Variants in RUNX2 observed in about 807,000 individuals in gnomAD.
The protein encoded by RUNX2 is runt-related transcription factor 2.
RUNX2 carries 10 observed loss-of-function variants against 51.7 expected under a neutral mutation model. The ratio of observed to expected loss-of-function variants is 0.19; its 90% confidence interval spans 0.12 to 0.33. RUNX2 has a LOEUF of 0.33. RUNX2 is among the 10% of genes least tolerant of loss of function. The pLI, the probability that RUNX2 is intolerant of heterozygous loss-of-function variation, is 1.00. For missense variants in RUNX2, 562 were observed against 691.3 expected, an observed-to-expected ratio of 0.81 and a Z score of 2.10; for synonymous variants, 276 against 273.6, an observed-to-expected ratio of 1.01 and a Z score of -0.09.
intron 2 of RUNX2, among the ~76,000 whole-genome samples, chr6:45,409,621 G>C (rs1033174475): frequency 6.6e-6 from 1 of 152,120 alleles, no homozygotes; most frequent in Admixed American, 6.5e-5. Context: ...CCAACAAGAT[G>C]TAAGAAAGTT....
chr6:45,377,845 G>T (rs1797044238), intron 2 of RUNX2: 1 of 154,480 alleles, frequency 6.5e-6, no homozygotes, highest in Non-Finnish European at 1.4e-5. Context: ...TGCGGTTTCT[G>T]CTGCTGCGGC....
In RUNX2 at chr6:45,548,779, C is replaced by T. The variant is rs1802479442; in HGVS notation, c.*1474C>T. 5.3e-6 allele frequency: 1 copy of T among 188,386 alleles called. No homozygotes were observed. The highest frequency in any genetic ancestry group is 1.9e-4 in the South Asian group (1 of 5,154). The allele number at this position is 188,386 out of a possible 1,614,324, so 11.7% of individuals were successfully genotyped here. A position where few individuals can be genotyped will look rare whatever the true frequency, so the allele number is the denominator to read the frequency against. On this transcript the variant is annotated 3_prime_UTR_variant, in exon 9 of 9. Transcript: ENST00000647337. ...CTAGTACAGGAGAGCAAAATTGCAC[C>T]AGAGATTCTTAACCAACCAGCCTTA...
intron 7 of RUNX2, among the ~76,000 whole-genome samples, chr6:45,538,298 T>C (rs868051250): frequency 3.3e-5 from 5 of 152,186 alleles, no homozygotes; most frequent in Non-Finnish European, 5.9e-5. Context: ...TGACCACATA[T>C]GTTATCAAAT....
At chr6:45,444,602 A>G (rs920730154) in intron 5 of RUNX2, among the ~76,000 whole-genome samples, 1 of 152,356 alleles carries the variant, frequency 6.6e-6, no homozygotes, top group Admixed American at 6.5e-5. Flanking sequence ...TGTTAGGCTT[A>G]GGTCCTGCAG....
intron 3 of RUNX2, among the ~76,000 whole-genome samples, chr6:45,426,241 G>A (rs1000493132): frequency 4.6e-5 from 7 of 151,912 alleles, no homozygotes; most frequent in Admixed American, 2.6e-4. Flanking sequence ...TGAAATGTTC[G>A]GTCCCCCCAG....
intron 7 of RUNX2, among the ~76,000 whole-genome samples, chr6:45,515,466 T>C (rs1801292243): frequency 6.6e-6 from 1 of 152,198 alleles, no homozygotes; most frequent in Admixed American, 6.5e-5. Flanking sequence ...AAGCTAAAAT[T>C]GTTTTGTAAA....
At chr6:45,542,932 T>A (rs538603817) in intron 7 of RUNX2, among the ~76,000 whole-genome samples, 1 of 152,330 alleles carries the variant, frequency 6.6e-6, no homozygotes, top group Non-Finnish European at 1.5e-5. Flanking sequence ...GGGTTAGATT[T>A]GCATTACCTA....
chr6:45,520,329 A>G (rs1801467682), intron 7 of RUNX2, among the ~76,000 whole-genome samples: 1 of 152,234 alleles, frequency 6.6e-6, no homozygotes, highest in African/African-American at 2.4e-5. Flanking sequence ...TCTTGGGTGC[A>G]TTTTTAAATT....
chr6:45,516,696 C>T (rs973149662), intron 7 of RUNX2, among the ~76,000 whole-genome samples: 1 of 152,186 alleles, frequency 6.6e-6, no homozygotes, highest in African/African-American at 2.4e-5. Flanking sequence ...TTATATGACC[C>T]GAACCACTGC....
chr6:45,518,171 C>A (rs961456439), intron 7 of RUNX2, among the ~76,000 whole-genome samples: 2 of 152,210 alleles, frequency 1.3e-5, no homozygotes, highest in East Asian at 1.9e-4. Context: ...TCTGCCACAG[C>A]AGCCACAGGC....
intron 2 of RUNX2, among the ~76,000 whole-genome samples, chr6:45,400,452 G>A (rs562154171): frequency 7.2e-5 from 11 of 152,162 alleles, no homozygotes; most frequent in Non-Finnish European, 1.5e-4. Context: ...ACTGAGAAAC[G>A]AAGTGGTAAT....
intron 7 of RUNX2, among the ~76,000 whole-genome samples, chr6:45,521,902 G>A (rs1216742426): frequency 2.0e-5 from 3 of 152,010 alleles, no homozygotes; most frequent in Admixed American, 6.6e-5. Flanking sequence ...ATATTACACT[G>A]TTTTCTCTTA....
intron 6 of RUNX2, among the ~76,000 whole-genome samples, chr6:45,493,257 A>G (rs971756920): frequency 4.6e-5 from 7 of 152,202 alleles, no homozygotes; most frequent in Admixed American, 1.3e-4. Context: ...AAACATCTAA[A>G]CACTAAAGAT....
In RUNX2 at chr6:45,488,522, T is replaced by C. The variant is rs548856283; in HGVS notation, c.686-3419T>C. 2.9e-4 allele frequency among the ~76,000 whole-genome samples: 44 copies of C among 152,290 alleles called. No individual in the cohort carries two copies. In the South Asian group the frequency reaches 8.5e-3, roughly 29 times the overall value. On this transcript the variant is annotated intron_variant, in intron 5 of 8. Coordinates refer to ENST00000647337, the MANE Select transcript of RUNX2 (RefSeq NM_001024630.4). ...TAGTATTTAGTGCATGAGACTGAGA[T>C]CACCTTGGGCAGTGGTTCTCAATCC...
At chr6:45,432,457 A>G (rs1463765613) in intron 4 of RUNX2, among the ~76,000 whole-genome samples, 1 of 152,144 alleles carries the variant, frequency 6.6e-6, no homozygotes, top group Admixed American at 6.5e-5. Context: ...ATCACAGGTT[A>G]CCTCTATATG....
chr6:45,427,219 A>G (rs1247417487), intron 3 of RUNX2, among the ~76,000 whole-genome samples: 2 of 152,132 alleles, frequency 1.3e-5, no homozygotes, highest in African/African-American at 4.8e-5. Flanking sequence ...TCTATTAAAT[A>G]TTTGAAAATA....
intron 2 of RUNX2, among the ~76,000 whole-genome samples, chr6:45,342,228 GA>G (rs34136015): frequency 6.7e-6 from 1 of 149,136 alleles, no homozygotes; most frequent in Non-Finnish European, 1.5e-5. Flanking sequence ...TGTGCCTAGT[GA>G]AAAAAAAATA....
chr6:45,351,309 C>T (rs1232513481), intron 2 of RUNX2, among the ~76,000 whole-genome samples: 1 of 152,042 alleles, frequency 6.6e-6, no homozygotes, highest in Non-Finnish European at 1.5e-5. Context: ...CCATCAAGAT[C>T]ACAACTTCCT....
intron 2 of RUNX2, among the ~76,000 whole-genome samples, chr6:45,365,790 G>A (rs1250320063): frequency 3.3e-5 from 5 of 151,366 alleles, no homozygotes; most frequent in Non-Finnish European, 7.4e-5. Context: ...ACAGCTGAAA[G>A]ATACAAAATT....
Sources: gnomAD v4.1 joint callset for allele counts (sites outside exome capture counted in the v4.1 genomes callset) on GRCh38, gnomAD v4.1.1 for gene constraint, MANE v1.5 for transcripts, NCBI Gene and HGNC (gene_info 2026-07-23, HGNC 2026-07-21) for gene names.